The following THRAP3 variants were observed in gnomAD, a reference collection of about 807,000 sequenced individuals.
The protein encoded by THRAP3 is thyroid hormone receptor associated protein 3.
Under a neutral mutation model 101.0 loss-of-function variants are expected in THRAP3, and 16 were observed. That is an observed-to-expected ratio of 0.16 (90% CI 0.11 to 0.24). The LOEUF is 0.24. Ranked by LOEUF, THRAP3 falls within the 10% of genes least tolerant of loss-of-function variation. The pLI is 1.00. For synonymous variants in THRAP3, 407 were observed against 422.6 expected, an observed-to-expected ratio of 0.96 and a Z score of 0.45; for missense variants, 989 against 1,202.7, an observed-to-expected ratio of 0.82 and a Z score of 2.63.
At chr1:36,294,182 G>A in intron 8 of THRAP3, 1 of 1,250,980 alleles carries the variant, frequency 8.0e-7, no homozygotes, top group Non-Finnish European at 1.0e-6. Context: ...AAAAAAGAGA[G>A]GAGTTTTGGA....
intron 1 of THRAP3, among the ~76,000 whole-genome samples, chr1:36,234,546 A>G (rs1050629057): frequency 7.9e-5 from 12 of 152,182 alleles, no homozygotes; most frequent in African/African-American, 2.7e-4. Context: ...TACTAGATGA[A>G]GGTATTTCTG....
intron 4 of THRAP3, chr1:36,287,714 G>A: frequency 2.0e-6 from 2 of 985,452 alleles, no homozygotes; most frequent in Non-Finnish European, 2.4e-6. Context: ...ATACCCTCCA[G>A]TTGAGGAGAC....
chr1:36,295,628 T>C (rs1645939304), intron 8 of THRAP3, among the ~76,000 whole-genome samples: 1 of 145,814 alleles, frequency 6.9e-6, no homozygotes, highest in South Asian at 2.2e-4. Flanking sequence ...TTCCTCCCTT[T>C]CTCCCTGTTT....
At chr1:36,292,037 C>A (rs11576166) in intron 6 of THRAP3, among the ~76,000 whole-genome samples, 73 of 152,162 alleles carry the variant, frequency 4.8e-4, no homozygotes, top group African/African-American at 1.7e-3. Flanking sequence ...TGCTGTGCTT[C>A]TGAGGAGAAT....
chr1:36,295,734 A>G (rs1003246520), intron 8 of THRAP3, among the ~76,000 whole-genome samples: 1 of 151,620 alleles, frequency 6.6e-6, no homozygotes. Context: ...TTCCCTTTCT[A>G]GAGAAATTTG....
At chr1:36,216,454 G>A in the THRAP3 span, among the ~76,000 whole-genome samples, 2 of 139,816 alleles carry the variant, frequency 1.4e-5, no homozygotes, top group African/African-American at 5.5e-5. Flanking sequence ...CGGAGATCGC[G>A]CACTGCACTC....
chr1:36,214,984 G>A, the THRAP3 span, among the ~76,000 whole-genome samples: 1 of 152,064 alleles, frequency 6.6e-6, no homozygotes, highest in African/African-American at 2.4e-5. Flanking sequence ...CACTTTGGGA[G>A]GCCGAGGCGG....
At chr1:36,262,385 A>T (rs1645457478) in intron 2 of THRAP3, among the ~76,000 whole-genome samples, 1 of 152,254 alleles carries the variant, frequency 6.6e-6, no homozygotes, top group South Asian at 2.1e-4. Context: ...CACATTCCAA[A>T]CATAATACAA....
intron 2 of THRAP3, among the ~76,000 whole-genome samples, chr1:36,276,517 C>G (rs1363326221): frequency 2.4e-4 from 20 of 82,888 alleles, no homozygotes. Context: ...GAGCCAGACT[C>G]TGTCTCAAAA....
At chr1:36,293,133 A>G (rs1236779765) in intron 7 of THRAP3, among the ~76,000 whole-genome samples, 4 of 140,250 alleles carry the variant, frequency 2.9e-5, no homozygotes, top group Admixed American at 8.1e-5. Flanking sequence ...GGTTCAAGCA[A>G]TTCTCATGCC....
At chr1:36,291,838 ATC>A (rs1357393260) in intron 6 of THRAP3, among the ~76,000 whole-genome samples, 2 of 152,226 alleles carry the variant, frequency 1.3e-5, no homozygotes, top group African/African-American at 2.4e-5. Context: ...CTTTTCTAGC[ATC>A]TCTGTCTTCT....
intron 8 of THRAP3, among the ~76,000 whole-genome samples, chr1:36,294,779 C>G (rs963424565): frequency 8.5e-5 from 13 of 152,162 alleles, no homozygotes; most frequent in Admixed American, 2.0e-4. Context: ...TTTAAAACAT[C>G]AGAAGAGATC....
intron 4 of THRAP3, 130 bp downstream of exon 4, chr1:36,287,400 G>A: frequency 7.2e-7 from 1 of 1,385,544 alleles, no homozygotes; most frequent in South Asian, 1.7e-5. Flanking sequence ...CTTTTCGTTA[G>A]TAAACATTAA....
chr1:36,213,959 GAA>G, the THRAP3 span, among the ~76,000 whole-genome samples: 1 of 107,518 alleles, frequency 9.3e-6, no homozygotes, highest in African/African-American at 4.3e-5. Context: ...AAGAAAGAAA[GAA>G]GGAAAGAGAA....
intron 2 of THRAP3, among the ~76,000 whole-genome samples, chr1:36,280,670 C>G (rs1307699659): frequency 1.3e-5 from 2 of 152,184 alleles, no homozygotes; most frequent in Non-Finnish European, 2.9e-5. Context: ...TATTAATTAG[C>G]TTTGTGATCT....
rs201027706 is a variant in THRAP3, at chr1:36,287,094, G to A, written c.864G>A (p.Pro288=). Residue 288 remains proline (P), a synonymous_variant, in exon 4 of 12, where the codon CCG becomes CCA. Transcript: ENST00000354618. ...CATCCCAGATGGGCTCAACTCTGCC[G>A]AGTGGTGCCGGGTATCAGTCTGGGA... The part of the protein sequence containing the change: ...SSTSQMGSTL[P]SGAGYQSGTH... The A allele has an allele frequency of 1.9e-5, 30 of 1,614,004 alleles. No homozygotes were observed. The highest frequency in any genetic ancestry group is 1.6e-4 in the Middle Eastern group (1 of 6,084).
At chr1:36,292,260 G>GTTTGTTTTTTTT (rs1553124853) in intron 6 of THRAP3, among the ~76,000 whole-genome samples, 1 of 13,112 alleles carries the variant, frequency 7.6e-5, no homozygotes, top group African/African-American at 1.7e-4. Context: ...GTGTTTCTTT[G>GTTTGTTTTTTTT]TTTCTTTTTT....
chr1:36,295,456 T>G (rs1325224540), intron 8 of THRAP3, among the ~76,000 whole-genome samples: 1 of 152,146 alleles, frequency 6.6e-6, no homozygotes, highest in Non-Finnish European at 1.5e-5. Context: ...GTTGAAAGCC[T>G]TTGCTGCAGT....
intron 1 of THRAP3, among the ~76,000 whole-genome samples, chr1:36,246,099 G>T (rs921128929): frequency 6.6e-6 from 1 of 152,172 alleles, no homozygotes; most frequent in Non-Finnish European, 1.5e-5. Flanking sequence ...TAGTAAAGGG[G>T]ATAGAGCTGG....
Sources: allele counts gnomAD v4.1 joint callset (sites outside exome capture counted in the v4.1 genomes callset), GRCh38; gene constraint gnomAD v4.1.1; transcripts MANE v1.5; gene names NCBI Gene and HGNC (gene_info 2026-07-23, HGNC 2026-07-21).